The following ARRDC4 variants were observed in gnomAD, a reference collection of about 807,000 sequenced individuals.
The protein encoded by ARRDC4 is arrestin domain containing 4.
A neutral mutation model predicts 44.6 loss-of-function variants in ARRDC4; 40 were observed. That is an observed-to-expected ratio of 0.90 (90% CI 0.70 to 1.17). ARRDC4 has a LOEUF of 1.17. Among genes scored for constraint, ARRDC4 ranks in the 50% most tolerant of loss-of-function variants. ARRDC4 has a pLI of 0.00. For missense variants in ARRDC4, 550 were observed against 559.1 expected, an observed-to-expected ratio of 0.98 and a Z score of 0.16; for synonymous variants, 211 against 221.2, an observed-to-expected ratio of 0.95 and a Z score of 0.41.
rs1037156132 is a variant in ARRDC4 at position 97,967,902 on chromosome 15, A to AT, written c.523-105dup. On this transcript the variant is annotated intron_variant, in intron 3 of 7. Coordinates refer to ENST00000268042, the MANE Select transcript of ARRDC4 (RefSeq NM_183376.3). This position sits in a 1 kb window ranked among gnomAD's most constrained non-coding sequence, Gnocchi z 5.0. Reference sequence around the variant, plus strand: ...ACATGAGGATAAGAAAGTTTGATTCATTTTTTTGGTATTTCCTTACAACCA... The same window carrying AT: ...ACATGAGGATAAGAAAGTTTGATTCATTTTTTTTGGTATTTCCTTACAACCA... 2.1e-5 allele frequency: 13 copies of AT among 620,820 alleles called. No homozygotes were observed. The highest frequency in any genetic ancestry group is 3.1e-5 in the Non-Finnish European group (12 of 383,438). The allele number at this position is 620,820 out of a possible 1,614,324, so 38.5% of individuals were successfully genotyped here.
chr15:97,961,305 C>T (rs1899313774), intron 1 of ARRDC4, 137 bp downstream of exon 1: 1 of 806,632 alleles, frequency 1.2e-6, no homozygotes, highest in Non-Finnish European at 1.7e-6. Flanking sequence ...CCGGCCTACC[C>T]TCGCGGGTAA....
rs1192798982 is a variant in ARRDC4 at position 97,971,209 on chromosome 15, G to A, written c.*22G>A. 1.2e-6 allele frequency: 2 copies of A among 1,606,710 alleles called. No homozygotes were observed. Among genetic ancestry groups the A allele is most frequent in the South Asian group, 1.1e-5 (1 of 90,806 alleles). ...CTGAACGTATTTCAGAAATCACTGT[G>A]TTCATCATCAAATTAGAATGTTGGT... On this transcript the variant is annotated 3_prime_UTR_variant, in exon 8 of 8. Transcript: ENST00000268042.
chr15:97,968,158 A>G lies in ARRDC4; in HGVS notation c.625+42A>G. On this transcript the variant is annotated intron_variant, in intron 4 of 7. Transcript: ENST00000268042. The surrounding 1 kb of genome is among the most constrained non-coding windows in gnomAD (Gnocchi z 5.4). ...AAAGTCCAAATGAAAGATTTCATTCATTTTCTTAGCTAATTTTAAGTGATT... is the reference window on the plus strand; with the variant it reads ...AAAGTCCAAATGAAAGATTTCATTCGTTTTCTTAGCTAATTTTAAGTGATT... The G allele has an allele frequency of 7.7e-7, 1 of 1,303,576 alleles. No homozygotes were observed. The highest frequency in any genetic ancestry group is 1.1e-6 in the Non-Finnish European group (1 of 945,082). 80.8% of individuals were successfully genotyped at this position (1,303,576 alleles called of 1,614,324 possible).
rs1899552901 is a variant in ARRDC4, at chr15:97,973,726, T to TGGGAAA, written c.*2539_*2540insGGGAAA. The TGGGAAA allele has an allele frequency of 6.6e-6, 1 of 152,570 alleles. No individual in the cohort carries two copies. The highest frequency in any genetic ancestry group is 1.5e-5 in the Non-Finnish European group (1 of 68,004). 9.5% of individuals were successfully genotyped at this position (152,570 alleles called of 1,614,324 possible). A position where few individuals can be genotyped will look rare whatever the true frequency, so the allele number is the denominator to read the frequency against. ...GGTAAGTTAACTATGAAAGCTTTCT[T>TGGGAAA]ATTTTTATTATTAAAAATGTAACAA... On this transcript the variant is annotated 3_prime_UTR_variant, in exon 8 of 8. Transcript: ENST00000268042.
chr15:97,969,389 GCTCTTTTTT>G lies in ARRDC4; in HGVS notation c.882+11_882+19del. On this transcript the variant is annotated intron_variant, in intron 5 of 7. Coordinates refer to ENST00000268042, the MANE Select transcript of ARRDC4 (RefSeq NM_183376.3). ...GGACTATTCCTTAGCTGTAAGCAAAGCTCTTTTTTAAAAAAAAATGTGTATGATGGACAA... is the reference window on the plus strand; with the variant it reads ...GGACTATTCCTTAGCTGTAAGCAAAGAAAAAAAAATGTGTATGATGGACAA... The G allele has an allele frequency of 6.4e-7, 1 of 1,554,756 alleles. No homozygotes were observed.
chr15:97,970,430 CTATT>C lies in ARRDC4; in HGVS notation c.1046-157_1046-154del, dbSNP rs1899489182. 6.6e-6 allele frequency among the ~76,000 whole-genome samples: 1 copy of C among 152,110 alleles called. No homozygotes were observed. The highest frequency in any genetic ancestry group is 2.4e-5 in the African/African-American group (1 of 41,420). ...AGTAGTAGTTTAATAAAAGGAGAATCTATTTTTTATTGTAATATGCATAAAACCT... is the reference window on the plus strand; with the variant it reads ...AGTAGTAGTTTAATAAAAGGAGAATCTTTTATTGTAATATGCATAAAACCT... On this transcript the variant is annotated intron_variant, in intron 6 of 7. Coordinates refer to ENST00000268042, the MANE Select transcript of ARRDC4 (RefSeq NM_183376.3). The surrounding 1 kb of genome is among the most constrained non-coding windows in gnomAD (Gnocchi z 4.2).
In ARRDC4 at chr15:97,967,993, T is replaced by G; in HGVS notation, c.523-21T>G. 1 of 1,528,318 alleles carries G rather than the reference T, an allele frequency of 6.5e-7. No individual in the cohort carries two copies. The highest frequency in any genetic ancestry group is 8.9e-7 in the Non-Finnish European group (1 of 1,119,080). 94.7% of individuals were successfully genotyped at this position (1,528,318 alleles called of 1,614,324 possible). A position where few individuals can be genotyped will look rare whatever the true frequency, so the allele number is the denominator to read the frequency against. ...CTAGAGTGGCTTAATTAAGGTTGTT[T>G]TATTGTTTGAAATTTTCAAGACCCC... On this transcript the variant is annotated intron_variant, in intron 3 of 7. Coordinates refer to ENST00000268042, the MANE Select transcript of ARRDC4 (RefSeq NM_183376.3). The surrounding 1 kb of genome is among the most constrained non-coding windows in gnomAD (Gnocchi z 5.0).
At chr15:97,961,293 GT>G (rs1259296595) in intron 1 of ARRDC4, 125 bp downstream of exon 1, 2 of 913,630 alleles carry the variant, frequency 2.2e-6, no homozygotes, top group African/African-American at 3.5e-5. Context: ...CGGGGGTGGG[GT>G]CCGGCCTACC....
At chr15:97,961,244 C>A in intron 1 of ARRDC4, 76 bp downstream of exon 1, 1 of 1,265,684 alleles carries the variant, frequency 7.9e-7, no homozygotes, top group South Asian at 2.2e-5. Context: ...CGCGCACCCT[C>A]GGGATGCCCA....
Position 97,961,003 on chromosome 15 carries a change from G to A in ARRDC4, c.142G>A (p.Glu48Lys). The A allele has an allele frequency of 2.1e-6, 3 of 1,448,680 alleles. No individual in the cohort carries two copies. The highest frequency in any genetic ancestry group is 1.4e-5 in the South Asian group (1 of 73,960). The allele number at this position is 1,448,680 out of a possible 1,614,324, so 89.7% of individuals were successfully genotyped here. A position where few individuals can be genotyped will look rare whatever the true frequency, so the allele number is the denominator to read the frequency against. The change falls in exon 1 of 8, where the codon GAG (glutamate) becomes AAG (lysine). Residue 48 changes from glutamate (E) to lysine (K), a missense_variant. Glu to Lys is a moderately conservative substitution (Grantham distance 56, BLOSUM62 1). Coordinates refer to ENST00000268042, the MANE Select transcript of ARRDC4 (RefSeq NM_183376.3). ...CGGGCACGTGCTGCTGGAGGCGTCC[G>A]AGCCGGTGGCCCTGCGCGCGCTGCG... ...VAGHVLLEAS[E>K]PVALRALRLE...
In ARRDC4 at chr15:97,965,665, G is replaced by C. The variant is rs761972396; in HGVS notation, c.373G>C (p.Glu125Gln). ...TCCATTTCGCTTTCAACTTCCATCT[G>C]AGTAAGTGAAACACTACAATTTTGT... ...EFPFRFQLPS[E>Q]PLVTSFTGKY... Residue 125 changes from glutamate to glutamine, a missense_variant and splice_region_variant, in exon 2 of 8, where the codon GAA becomes CAA. Physicochemically the swap from Glu to Gln is conservative, Grantham distance 29. Coordinates refer to ENST00000268042, the MANE Select transcript of ARRDC4 (RefSeq NM_183376.3). This position sits in a 1 kb window ranked among gnomAD's most constrained non-coding sequence, Gnocchi z 5.1. 6.2e-7 allele frequency: 1 copy of C among 1,612,648 alleles called. No homozygotes were observed. The highest frequency in any genetic ancestry group is 2.2e-5 in the East Asian group (1 of 44,840).
intron 5 of ARRDC4, 44 bp downstream of exon 5, chr15:97,969,423 A>G (rs1464226472): frequency 6.3e-7 from 1 of 1,594,290 alleles, no homozygotes; most frequent in Non-Finnish European, 8.6e-7. Context: ...ATGATGGACA[A>G]TAACTGATGT....
chr15:97,961,287 G>C, intron 1 of ARRDC4, 119 bp downstream of exon 1: 1 of 956,908 alleles, frequency 1.0e-6, no homozygotes, highest in Non-Finnish European at 1.4e-6. Flanking sequence ...GGCTTCCGGG[G>C]GTGGGGTCCG....
In ARRDC4 at chr15:97,970,349, C is replaced by T. The variant is rs1350074491; in HGVS notation, c.1046-240C>T. Among the ~76,000 whole-genome samples the T allele has an allele frequency of 6.6e-6, 1 of 152,022 alleles. No homozygotes were observed. Among genetic ancestry groups the T allele is most frequent in the African/African-American group, 2.4e-5 (1 of 41,392 alleles). On this transcript the variant is annotated intron_variant, in intron 6 of 7. Coordinates refer to ENST00000268042, the MANE Select transcript of ARRDC4 (RefSeq NM_183376.3). This position sits in a 1 kb window ranked among gnomAD's most constrained non-coding sequence, Gnocchi z 4.2. ...TGGTGTGTTATGTCTTTTCTATAGTCATATTTCAGTGATATTTGTTTACCT... is the reference window on the plus strand; with the variant it reads ...TGGTGTGTTATGTCTTTTCTATAGTTATATTTCAGTGATATTTGTTTACCT...
rs931367049 is a variant in ARRDC4 at position 97,968,194 on chromosome 15, T to C, written c.625+78T>C. 1.1e-6 allele frequency: 1 copy of C among 905,900 alleles called. No individual in the cohort carries two copies. Among genetic ancestry groups the C allele is most frequent in the African/African-American group, 1.7e-5 (1 of 57,668 alleles). The allele number at this position is 905,900 out of a possible 1,614,324, so 56.1% of individuals were successfully genotyped here. A position where few individuals can be genotyped will look rare whatever the true frequency, so the allele number is the denominator to read the frequency against. On this transcript the variant is annotated intron_variant, in intron 4 of 7. Transcript: ENST00000268042. This position sits in a 1 kb window ranked among gnomAD's most constrained non-coding sequence, Gnocchi z 5.4. ...TAATTTTAAGTGATTTTAAATAGTG[T>C]TTTTTGTAATTATATGACGTGTATA...
rs1451114690 is a variant in ARRDC4 at position 97,970,420 on chromosome 15, A to G, written c.1046-169A>G. Among the ~76,000 whole-genome samples, 1 of 152,188 alleles carries G rather than the reference A, an allele frequency of 6.6e-6. No homozygotes were observed. The highest frequency in any genetic ancestry group is 1.5e-5 in the Non-Finnish European group (1 of 68,032). The stretch of plus-strand genomic sequence containing the variant: ...AGAAGCTATTAGTAGTAGTTTAATA[A>G]AAGGAGAATCTATTTTTTATTGTAA... On this transcript the variant is annotated intron_variant, in intron 6 of 7. Coordinates refer to ENST00000268042, the MANE Select transcript of ARRDC4 (RefSeq NM_183376.3). The surrounding 1 kb of genome is among the most constrained non-coding windows in gnomAD (Gnocchi z 4.2).
chr15:97,970,105 A>G lies in ARRDC4; in HGVS notation c.1045+60A>G. 6.6e-7 allele frequency: 1 copy of G among 1,524,758 alleles called. No homozygotes were observed. Among genetic ancestry groups the G allele is most frequent in the East Asian group, 2.3e-5 (1 of 43,150 alleles). The allele number at this position is 1,524,758 out of a possible 1,614,324, so 94.5% of individuals were successfully genotyped here. A position where few individuals can be genotyped will look rare whatever the true frequency, so the allele number is the denominator to read the frequency against. ...TTACCTAGAAAATACCTAGGAACAG[A>G]ATATATACACTATTAAGTGCTCAGA... is the stretch of plus-strand genomic sequence containing the variant. On this transcript the variant is annotated intron_variant, in intron 6 of 7. Transcript: ENST00000268042. The surrounding 1 kb of genome is among the most constrained non-coding windows in gnomAD (Gnocchi z 4.2).
At position 97,966,022 on chromosome 15, in the gene ARRDC4, G is replaced by A. The variant is rs1334568804; in HGVS notation, c.502G>A (p.Val168Ile). ...RELQVVSHVD[V>I]NTPALLTPVL... Reference sequence around the variant, plus strand: ...ACTCCAGGTTGTTAGTCATGTCGATGTCAACACACCAGCATTATTAGTAAG... The same window carrying A: ...ACTCCAGGTTGTTAGTCATGTCGATATCAACACACCAGCATTATTAGTAAG... The change falls in exon 3 of 8, where the codon GTC (valine) becomes ATC (isoleucine). Residue 168 changes from valine (V) to isoleucine (I), a missense_variant. By Grantham distance (29) the Val-to-Ile change is conservative. Transcript: ENST00000268042. This position sits in a 1 kb window ranked among gnomAD's most constrained non-coding sequence, Gnocchi z 4.7. The A allele has an allele frequency of 1.9e-6, 3 of 1,614,010 alleles. No homozygotes were observed. The highest frequency in any genetic ancestry group is 2.5e-6 in the Non-Finnish European group (3 of 1,180,024).
At position 97,972,101 on chromosome 15, in the gene ARRDC4, T is replaced by A. The variant is rs887134700; in HGVS notation, c.*914T>A. On this transcript the variant is annotated 3_prime_UTR_variant, in exon 8 of 8. Transcript: ENST00000268042. The surrounding 1 kb of genome is among the most constrained non-coding windows in gnomAD (Gnocchi z 5.3). ...ACCTCTAATGGGGTTATCAGATATG[T>A]TTTTAAATCTCTCGCCCTGAGTACT... The A allele has an allele frequency of 6.9e-6, 1 of 145,054 alleles. No homozygotes were observed. The highest frequency in any genetic ancestry group is 2.9e-5 in the African/African-American group (1 of 34,284). The allele number at this position is 145,054 out of a possible 1,614,324, so 9.0% of individuals were successfully genotyped here. A position where few individuals can be genotyped will look rare whatever the true frequency, so the allele number is the denominator to read the frequency against.
Sources: allele counts gnomAD v4.1 joint callset (sites outside exome capture counted in the v4.1 genomes callset), GRCh38; gene constraint gnomAD v4.1.1; non-coding constraint Gnocchi (gnomAD v3.1); transcripts MANE v1.5; gene names NCBI Gene and HGNC (gene_info 2026-07-23, HGNC 2026-07-21).